Variants in ZNF547 observed in about 807,000 individuals in gnomAD.
The protein encoded by ZNF547 is zinc finger protein 547.
A neutral mutation model predicts 7.7 loss-of-function variants in ZNF547; 4 were observed. That is an observed-to-expected ratio of 0.52 (90% CI 0.26 to 1.20). The LOEUF (loss-of-function observed/expected upper bound fraction) is 1.20. ZNF547 is among the 50% of genes most tolerant of loss of function. The probability of loss-of-function intolerance (pLI) is 0.14; values close to 1 mark genes in which losing one functional copy is unlikely to be tolerated. For synonymous variants in ZNF547, 166 were observed against 166.2 expected (o/e 1.00, Z 0.01); for missense variants, 449 against 485.8 (o/e 0.92, Z 0.71).
chr19:57,374,845 A>G (rs1345382207), intron 3 of ZNF547, among the ~76,000 whole-genome samples: 1 of 152,158 alleles, frequency 6.6e-6, no homozygotes, highest in Admixed American at 6.5e-5. Flanking sequence ...CCATATTGCT[A>G]AATCAGCATT....
At position 57,377,223 on chromosome 19, in the gene ZNF547, A is replaced by G. The variant is rs200222024; in HGVS notation, c.247A>G (p.Thr83Ala). The G allele has an allele frequency of 6.2e-7, 1 of 1,614,116 alleles. No individual in the cohort carries two copies. ...CATGGCTCCAAAGCCCTGTCTATCT[A>G]CCCAGAATACCCAGCCCTGTGAGAC... The part of the protein sequence containing the change: ...QVMAPKPCLS[T>A]QNTQPCETCS... The change falls in exon 4 of 4, where the codon ACC becomes GCC. Residue 83 changes from threonine (T) to alanine (A), a missense_variant. Transcript: ENST00000282282.
chr19:57,368,326 C>T (rs1333571835), intron 1 of ZNF547: 1 of 546,254 alleles, frequency 1.8e-6, no homozygotes, highest in Non-Finnish European at 3.3e-6. Flanking sequence ...ATTCTTACAA[C>T]CTATTTACAG....
In ZNF547 at chr19:57,377,499, C is replaced by T; in HGVS notation, c.523C>T (p.Gln175Ter). The change falls in exon 4 of 4, where the codon CAG (glutamine) becomes TAG (stop). Residue 175 changes from glutamine (Q) to a stop codon, truncating the protein, a stop_gained. Coordinates refer to ENST00000282282, the MANE Select transcript of ZNF547 (RefSeq NM_173631.4). LOFTEE classifies it low-confidence loss of function (END_TRUNC). Reference sequence around the variant, plus strand: ...CCACAAACATAAACTTTCTGACCATCAGAAAATCCACACTGGAGAAAGAAC... The same window carrying T: ...CCACAAACATAAACTTTCTGACCATTAGAAAATCCACACTGGAGAAAGAAC... ...FSHKHKLSDH[Q>*]KIHTGERTYK... 2 of 1,614,136 alleles carry T rather than the reference C, an allele frequency of 1.2e-6. No homozygotes were observed. The highest frequency in any genetic ancestry group is 1.7e-6 in the Non-Finnish European group (2 of 1,180,032).
In ZNF547 at chr19:57,378,345, C is replaced by G. The variant is rs1436993763; in HGVS notation, c.*160C>G. 8.0e-6 allele frequency: 6 copies of G among 750,492 alleles called. No individual in the cohort carries two copies. Among genetic ancestry groups the G allele is most frequent in the Non-Finnish European group, 1.1e-5 (5 of 436,152 alleles). The allele number at this position is 750,492 out of a possible 1,614,324, so 46.5% of individuals were successfully genotyped here. On this transcript the variant is annotated 3_prime_UTR_variant, in exon 4 of 4. Transcript: ENST00000282282. ...GCTATGTATCAGAGAATTCACACTG[C>G]AGAAATGTGTGTTCAGCAAACTCGG... is the stretch of plus-strand genomic sequence containing the variant.
rs1600077207 is a variant in ZNF547, at chr19:57,371,651, T to G, written c.25-131T>G. The G allele has an allele frequency of 2.9e-6, 4 of 1,378,034 alleles. No homozygotes were observed. In the East Asian group the frequency reaches 9.3e-5, roughly 32 times the overall value. 85.4% of individuals were successfully genotyped at this position (1,378,034 alleles called of 1,614,324 possible). ...TATGTGCCCAGGATGGTAGGGGAGA[T>G]GGAAACACATTTAGCTGTTAGTTTG... On this transcript the variant is annotated intron_variant, in intron 2 of 3. Transcript: ENST00000282282.
intron 3 of ZNF547, among the ~76,000 whole-genome samples, chr19:57,376,724 A>ACT (rs902320733): frequency 6.6e-6 from 1 of 152,104 alleles, no homozygotes; most frequent in African/African-American, 2.4e-5. Flanking sequence ...ACCCCAATAA[A>ACT]CTTATTCGTG....
Position 57,371,882 on chromosome 19 carries a change from A to C in ZNF547, c.125A>C (p.Glu42Ala). The change falls in exon 3 of 4, where the codon GAG (glutamate) becomes GCG (alanine). Residue 42 changes from glutamate to alanine, a missense_variant. Transcript: ENST00000282282. ...TTGCTGTACCGTGATGTGATGCTGGAGAATTTGGCCCTTTTGTCCTCACTA... is the reference window on the plus strand; with the variant it reads ...TTGCTGTACCGTGATGTGATGCTGGCGAATTTGGCCCTTTTGTCCTCACTA... Reference protein sequence around the residue: ...QRLLYRDVMLENLALLSSLGC... With the variant: ...QRLLYRDVMLANLALLSSLGC... 1 of 1,612,398 alleles carries C rather than the reference A, an allele frequency of 6.2e-7. No homozygotes were observed. The highest frequency in any genetic ancestry group is 8.5e-7 in the Non-Finnish European group (1 of 1,179,018).
intron 3 of ZNF547, among the ~76,000 whole-genome samples, chr19:57,374,671 A>T (rs1390367389): frequency 6.6e-6 from 1 of 152,214 alleles, no homozygotes; most frequent in Non-Finnish European, 1.5e-5. Flanking sequence ...CTTCTGCCAG[A>T]TACCCTAAAT....
intron 3 of ZNF547, among the ~76,000 whole-genome samples, chr19:57,376,523 T>C (rs1220660288): frequency 1.3e-5 from 2 of 152,216 alleles, no homozygotes; most frequent in Non-Finnish European, 2.9e-5. Context: ...TCTAAGCTAT[T>C]TGTCTACATG....
chr19:57,371,999 A>G (rs2088508111), intron 3 of ZNF547, 91 bp downstream of exon 3: 19 of 1,473,216 alleles, frequency 1.3e-5, no homozygotes, highest in Non-Finnish European at 1.7e-5. Flanking sequence ...CAGTGAGACC[A>G]TGGGTGCTGC....
intron 1 of ZNF547, chr19:57,364,602 G>T (rs1461077659): frequency 6.9e-6 from 4 of 581,194 alleles, no homozygotes; most frequent in African/African-American, 3.7e-5. Flanking sequence ...TTAGCCGGGG[G>T]TGGTGACGCG....
intron 2 of ZNF547, 137 bp downstream of exon 2, chr19:57,368,716 C>T (rs1045328359): frequency 6.2e-6 from 5 of 812,040 alleles, no homozygotes; most frequent in Non-Finnish European, 1.0e-5. Context: ...GTGAGTGATT[C>T]CACCAGTTCT....
Position 57,378,533 on chromosome 19 carries a change from A to G in ZNF547, c.*348A>G. ...AGTGAAAGTCTTCTGAGTACAGCAAATGTGTGACATTATTTTGCTACTACT... is the reference window on the plus strand; with the variant it reads ...AGTGAAAGTCTTCTGAGTACAGCAAGTGTGTGACATTATTTTGCTACTACT... On this transcript the variant is annotated 3_prime_UTR_variant, in exon 4 of 4. Coordinates refer to ENST00000282282, the MANE Select transcript of ZNF547 (RefSeq NM_173631.4). The G allele has an allele frequency of 2.3e-6, 1 of 432,216 alleles. No homozygotes were observed. 26.8% of individuals were successfully genotyped at this position (432,216 alleles called of 1,614,324 possible).
chr19:57,375,774 C>A (rs1221245644), intron 3 of ZNF547, among the ~76,000 whole-genome samples: 1 of 151,604 alleles, frequency 6.6e-6, no homozygotes, highest in Non-Finnish European at 1.5e-5. Flanking sequence ...AGGAAACTTA[C>A]CATCATGGTA....
chr19:57,378,060 C>T lies in ZNF547; in HGVS notation c.1084C>T (p.Leu362Phe). 1 of 1,613,954 alleles carries T rather than the reference C, an allele frequency of 6.2e-7. No individual in the cohort carries two copies. Among genetic ancestry groups the T allele is most frequent in the Non-Finnish European group, 8.5e-7 (1 of 1,179,982 alleles). ...ATGCAGTGAGTGTGGGAAGGCCTTC[C>T]TTACAAAGTCCCACCTCATTTGTCA... is the stretch of plus-strand genomic sequence containing the variant. ...YECSECGKAF[L>F]TKSHLICHQT... Residue 362 changes from leucine (L) to phenylalanine (F), a missense_variant, in exon 4 of 4, where the codon CTT becomes TTT. Leu to Phe is a conservative substitution (Grantham distance 22). Coordinates refer to ENST00000282282, the MANE Select transcript of ZNF547 (RefSeq NM_173631.4).
At position 57,377,903 on chromosome 19, in the gene ZNF547, T is replaced by C. The variant is rs727119; in HGVS notation, c.927T>C (p.Ser309=). 8.8e-3 allele frequency: 14,140 copies of C among 1,611,706 alleles called. 963 individuals carry two copies. The African/African-American group carries it at 0.16, about 18-fold the overall frequency. ...GTGGGAAATTCTTTATGGAAAGGTC[T>C]ACACTCAGTAGACATCAGAGAGTTC... ...SECGKFFMER[S]TLSRHQRVHT... is the part of the protein sequence containing the mutation. Residue 309 remains serine, a synonymous_variant, in exon 4 of 4, where the codon TCT becomes TCC. Transcript: ENST00000282282.
rs1452771087 is a variant in ZNF547 at position 57,365,152 on chromosome 19, A to G, written c.-13+1449A>G. ...CTTTACTGATGTTTATGATTTATATATAAAATTTTCAATGAATCCATTTTA... is the reference window on the plus strand; with the variant it reads ...CTTTACTGATGTTTATGATTTATATGTAAAATTTTCAATGAATCCATTTTA... On this transcript the variant is annotated intron_variant, in intron 1 of 3. Coordinates refer to ENST00000282282, the MANE Select transcript of ZNF547 (RefSeq NM_173631.4). 3.8e-6 allele frequency: 6 copies of G among 1,597,978 alleles called. No homozygotes were observed. The Admixed American group carries it at 6.8e-5, about 18-fold the overall frequency.
At chr19:57,366,923 A>G (rs1162106756) in intron 1 of ZNF547, among the ~76,000 whole-genome samples, 4 of 152,234 alleles carry the variant, frequency 2.6e-5, no homozygotes, top group Non-Finnish European at 5.9e-5. Context: ...TAAGTGTCAC[A>G]TGTCTGCTTC....
chr19:57,369,320 C>G (rs898963465), intron 2 of ZNF547, among the ~76,000 whole-genome samples: 2 of 151,852 alleles, frequency 1.3e-5, no homozygotes, highest in African/African-American at 4.8e-5. Flanking sequence ...AGGAGTGGCC[C>G]CATGGTTTTT....
Sources: allele counts gnomAD v4.1 joint callset (sites outside exome capture counted in the v4.1 genomes callset), GRCh38; gene constraint gnomAD v4.1.1; transcripts MANE v1.5; gene names NCBI Gene and HGNC (gene_info 2026-07-23, HGNC 2026-07-21).